The following KLHL20 variants were observed in gnomAD, a reference collection of about 807,000 sequenced individuals.
KLHL20 encodes kelch like family member 20, also known as kelch-like protein 20.
In KLHL20, 29 loss-of-function variants were observed where a neutral mutation model predicts 69.5. That is an observed-to-expected ratio of 0.42 (90% CI 0.31 to 0.57). The LOEUF (loss-of-function observed/expected upper bound fraction) is 0.57. KLHL20 is among the 20% of genes least tolerant of loss of function. The pLI is 0.18. For missense variants in KLHL20, 419 were observed against 776.0 expected, an observed-to-expected ratio of 0.54 and a Z score of 5.47; for synonymous variants, 253 against 265.2, an observed-to-expected ratio of 0.95 and a Z score of 0.45.
At chr1:173,718,655 G>C (rs1013358897) in intron 2 of KLHL20, among the ~76,000 whole-genome samples, 6 of 152,062 alleles carry the variant, frequency 3.9e-5, no homozygotes, top group Non-Finnish European at 8.8e-5. Context: ...TTGAGCCCAG[G>C]AGTTCGAGGC....
chr1:173,746,942 A>G (rs1673087808), intron 3 of KLHL20, among the ~76,000 whole-genome samples: 1 of 151,688 alleles, frequency 6.6e-6, no homozygotes, highest in Admixed American at 6.6e-5. Context: ...GTTTTATAGA[A>G]ATTCTGTTTA....
chr1:173,783,298 T>C (rs1648986954), intron 11 of KLHL20, among the ~76,000 whole-genome samples: 2 of 152,178 alleles, frequency 1.3e-5, no homozygotes, highest in African/African-American at 4.8e-5. Flanking sequence ...GCAGACATTC[T>C]GGGAAATTTT....
intron 9 of KLHL20, 86 bp downstream of exon 9, chr1:173,774,524 G>A: frequency 6.8e-7 from 1 of 1,467,144 alleles, no homozygotes; most frequent in South Asian, 1.2e-5. Context: ...AGAAACTCCA[G>A]GTTATCCTAT....
chr1:173,715,777 T>G (rs558647893), intron 1 of KLHL20: 1 of 455,012 alleles, frequency 2.2e-6, no homozygotes, highest in South Asian at 4.6e-5. Context: ...CGGGACTATT[T>G]AGCATACTTT....
At chr1:173,727,877 C>T (rs1672056253) in intron 2 of KLHL20, among the ~76,000 whole-genome samples, 1 of 152,142 alleles carries the variant, frequency 6.6e-6, no homozygotes, top group Non-Finnish European at 1.5e-5. Flanking sequence ...ATCATAATGA[C>T]AGGATCAAAT....
chr1:173,782,645 A>G (rs561494559), intron 11 of KLHL20, among the ~76,000 whole-genome samples: 1 of 152,320 alleles, frequency 6.6e-6, no homozygotes, highest in East Asian at 1.9e-4. Context: ...TAGGAGAAAC[A>G]AATTGCAATT....
chr1:173,715,447 A>C (rs1671425000), intron 1 of KLHL20: 1 of 152,434 alleles, frequency 6.6e-6, no homozygotes, highest in African/African-American at 2.4e-5. Context: ...TGGGTAGTGA[A>C]CATTGTATCG....
chr1:173,749,257 A>G (rs540390917), intron 3 of KLHL20, among the ~76,000 whole-genome samples: 1 of 152,312 alleles, frequency 6.6e-6, no homozygotes, highest in South Asian at 2.1e-4. Context: ...AAACTCAACA[A>G]TTAAGTTCAC....
At chr1:173,737,457 A>G (rs1447334401) in intron 3 of KLHL20, among the ~76,000 whole-genome samples, 1 of 152,216 alleles carries the variant, frequency 6.6e-6, no homozygotes. Flanking sequence ...CAATTATCCC[A>G]GCACTGTTTG....
intron 8 of KLHL20, among the ~76,000 whole-genome samples, chr1:173,772,845 C>T (rs933360683): frequency 3.9e-5 from 6 of 152,146 alleles, no homozygotes; most frequent in African/African-American, 1.2e-4. Flanking sequence ...GATTGGACTG[C>T]ACTATGAACG....
At chr1:173,785,142 A>G in intron 11 of KLHL20, 21 bp from the exon 12 acceptor site, 1 of 1,597,858 alleles carries the variant, frequency 6.3e-7, no homozygotes, top group Non-Finnish European at 8.6e-7. Flanking sequence ...AGAAAATATG[A>G]TTATGTTTCT....
intron 7 of KLHL20, among the ~76,000 whole-genome samples, chr1:173,762,325 C>T (rs1456436655): frequency 1.3e-5 from 2 of 152,122 alleles, no homozygotes; most frequent in African/African-American, 4.8e-5. Context: ...CCTTTTGACA[C>T]TATTCCACAA....
intron 7 of KLHL20, among the ~76,000 whole-genome samples, chr1:173,764,705 G>C (rs1291088288): frequency 1.3e-5 from 2 of 152,102 alleles, no homozygotes; most frequent in African/African-American, 2.4e-5. Context: ...GAATGATACA[G>C]TGGACTTTGG....
intron 10 of KLHL20, among the ~76,000 whole-genome samples, chr1:173,778,832 TTTTA>T (rs1216534550): frequency 3.9e-5 from 6 of 152,144 alleles, no homozygotes; most frequent in African/African-American, 1.4e-4. Context: ...TCATCTCTGA[TTTTA>T]TTTATTTGGG....
intron 3 of KLHL20, among the ~76,000 whole-genome samples, chr1:173,747,787 A>G (rs12094130): frequency 0.09 from 13,679 of 151,774 alleles, 1,994 homozygotes; most frequent in African/African-American, 0.31. Context: ...AGGAAAGTTT[A>G]TATTTTTGTT....
At chr1:173,755,863 T>G in intron 5 of KLHL20, 60 bp from the exon 6 acceptor site, 1 of 1,123,688 alleles carries the variant, frequency 8.9e-7, no homozygotes, top group African/African-American at 1.6e-5. Flanking sequence ...TAAACTACAT[T>G]GGGACTTAAC....
Position 173,757,293 on chromosome 1 carries a change from A to G in KLHL20, c.1151+134A>G, listed in dbSNP as rs1445178111. On this transcript the variant is annotated intron_variant, in intron 7 of 11. Coordinates refer to ENST00000209884, the MANE Select transcript of KLHL20 (RefSeq NM_014458.4). ...TAGTTGGCAACCTAAACAAGTTAGT[A>G]TGATACACAAATTCTTTATGATCTG... The G allele has an allele frequency of 7.8e-6, 6 of 766,178 alleles. No homozygotes were observed. The Admixed American group carries it at 1.2e-4, about 15-fold the overall frequency. 47.5% of individuals were successfully genotyped at this position (766,178 alleles called of 1,614,324 possible).
chr1:173,733,378 C>T (rs1276145550), intron 2 of KLHL20, among the ~76,000 whole-genome samples: 2 of 152,042 alleles, frequency 1.3e-5, no homozygotes, highest in Non-Finnish European at 2.9e-5. Context: ...AGCGTGTTAA[C>T]TTGGGCTTAA....
Position 173,734,300 on chromosome 1 carries a change from G to C in KLHL20, c.597+14G>C. On this transcript the variant is annotated intron_variant, in intron 3 of 11. Coordinates refer to ENST00000209884, the MANE Select transcript of KLHL20 (RefSeq NM_014458.4). ...AACTTTCAAGAGGTGAGTTGCACTT[G>C]GTGTTCCAATGCACCCATTTGTTGG... 1 of 1,612,564 alleles carries C rather than the reference G, an allele frequency of 6.2e-7. No individual in the cohort carries two copies. Among genetic ancestry groups the C allele is most frequent in the Non-Finnish European group, 8.5e-7 (1 of 1,178,638 alleles).
Sources: allele counts gnomAD v4.1 joint callset (sites outside exome capture counted in the v4.1 genomes callset), GRCh38; gene constraint gnomAD v4.1.1; transcripts MANE v1.5; gene names NCBI Gene and HGNC (gene_info 2026-07-23, HGNC 2026-07-21).